RORB: variants seen among roughly 807,000 people sequenced by gnomAD.
RORB encodes RAR related orphan receptor B, also known as nuclear receptor ROR-beta.
Under a neutral mutation model 59.1 loss-of-function variants are expected in RORB, and 6 were observed. The ratio of observed to expected loss-of-function variants is 0.10; its 90% CI spans 0.06 to 0.20. The LOEUF is 0.20. Among genes scored for constraint, RORB ranks in the 10% least tolerant of loss-of-function variants. The probability of loss-of-function intolerance (pLI) is 1.00; values close to 1 mark genes in which losing one functional copy is unlikely to be tolerated. For synonymous variants in RORB, 215 were observed against 204.5 expected, an observed-to-expected ratio of 1.05 and a Z score of -0.44; for missense variants, 320 against 560.5, an observed-to-expected ratio of 0.57 and a Z score of 4.33.
intron 1 of RORB, among the ~76,000 whole-genome samples, chr9:74,554,809 C>T (rs1277102095): frequency 6.6e-6 from 1 of 152,170 alleles, no homozygotes; most frequent in Non-Finnish European, 1.5e-5. Flanking sequence ...AGTAAGATGG[C>T]ATTAAGAATT....
At chr9:74,647,083 C>A (rs1823912428) in intron 4 of RORB, among the ~76,000 whole-genome samples, 1 of 152,172 alleles carries the variant, frequency 6.6e-6, no homozygotes, top group Admixed American at 6.5e-5. Context: ...GAAAGAATGG[C>A]AACAAGTAAG....
intron 2 of RORB, 86 bp from the exon 3 acceptor site, chr9:74,634,545 C>A: frequency 2.4e-6 from 3 of 1,259,118 alleles, no homozygotes; most frequent in Middle Eastern, 2.1e-4. Flanking sequence ...ATGTTCACTG[C>A]AGAAAATGTA....
chr9:74,597,221 C>G (rs1463348280), intron 1 of RORB, among the ~76,000 whole-genome samples: 1 of 152,198 alleles, frequency 6.6e-6, no homozygotes, highest in Admixed American at 6.5e-5. Context: ...TCATTGGTAA[C>G]TGGTACATCT....
intron 1 of RORB, among the ~76,000 whole-genome samples, chr9:74,516,308 A>C (rs538905201): frequency 6.6e-6 from 1 of 152,026 alleles, no homozygotes; most frequent in African/African-American, 2.4e-5. Context: ...ACACACAAAA[A>C]AGTGAAGTAT....
At chr9:74,517,425 G>T (rs1255549618) in intron 1 of RORB, among the ~76,000 whole-genome samples, 2 of 151,986 alleles carry the variant, frequency 1.3e-5, no homozygotes, top group East Asian at 1.9e-4. Context: ...TGGCAGAAAG[G>T]TACGGCGTGG....
chr9:74,630,453 G>A, intron 2 of RORB, 86 bp downstream of exon 2: 2 of 1,013,388 alleles, frequency 2.0e-6, no homozygotes, highest in East Asian at 2.7e-5. Context: ...TTTTAAGGAA[G>A]GCTGGCTAAA....
At chr9:74,584,091 T>A (rs1218870636) in intron 1 of RORB, among the ~76,000 whole-genome samples, 1 of 152,246 alleles carries the variant, frequency 6.6e-6, no homozygotes, top group Non-Finnish European at 1.5e-5. Context: ...CTTGAGACTT[T>A]GGCTGGAGAA....
intron 1 of RORB, among the ~76,000 whole-genome samples, chr9:74,582,489 A>G (rs1256402401): frequency 1.3e-5 from 2 of 152,198 alleles, no homozygotes; most frequent in East Asian, 3.8e-4. Flanking sequence ...AGAGAACCTT[A>G]CAGAGGTTAC....
chr9:74,517,625 A>C (rs980189069), intron 1 of RORB, among the ~76,000 whole-genome samples: 3 of 152,052 alleles, frequency 2.0e-5, no homozygotes, highest in Admixed American at 1.3e-4. Context: ...TTATTTTTTT[A>C]AAAAGGGTAG....
chr9:74,657,419 C>A (rs11144042), intron 4 of RORB, among the ~76,000 whole-genome samples: 3 of 152,190 alleles, frequency 2.0e-5, no homozygotes, highest in South Asian at 2.1e-4. Context: ...GAGACTGGTC[C>A]TAAAGAAGTA....
chr9:74,645,367 G>A (rs1823877966), intron 4 of RORB, among the ~76,000 whole-genome samples: 1 of 152,144 alleles, frequency 6.6e-6, no homozygotes. Context: ...TGGGCAGGAA[G>A]GCATCTGTGG....
intron 1 of RORB, among the ~76,000 whole-genome samples, chr9:74,506,114 T>C (rs1158045989): frequency 6.6e-6 from 1 of 152,040 alleles, no homozygotes; most frequent in Non-Finnish European, 1.5e-5. Context: ...TTCATTTTCT[T>C]TAATACTATT....
intron 1 of RORB, among the ~76,000 whole-genome samples, chr9:74,522,440 T>A (rs1369228501): frequency 2.0e-5 from 3 of 151,744 alleles, no homozygotes; most frequent in Non-Finnish European, 4.4e-5. Context: ...AATTATTCTA[T>A]ACAGTGATTT....
chr9:74,586,067 T>C (rs954138249), intron 1 of RORB, among the ~76,000 whole-genome samples: 1 of 152,110 alleles, frequency 6.6e-6, no homozygotes, highest in Non-Finnish European at 1.5e-5. Context: ...GTGCTGGGAT[T>C]ACAGGCATGA....
chr9:74,583,188 T>C (rs1822750479), intron 1 of RORB, among the ~76,000 whole-genome samples: 1 of 152,132 alleles, frequency 6.6e-6, no homozygotes, highest in Non-Finnish European at 1.5e-5. Flanking sequence ...AGGGCTCATG[T>C]AAGTGTTTCT....
chr9:74,501,942 T>C (rs1162393165), intron 1 of RORB, among the ~76,000 whole-genome samples: 2 of 152,232 alleles, frequency 1.3e-5, no homozygotes, highest in Admixed American at 1.3e-4. Context: ...AACTTACTAA[T>C]CTTTGGATTT....
intron 6 of RORB, among the ~76,000 whole-genome samples, chr9:74,662,899 T>G (rs1403338549): frequency 1.3e-5 from 2 of 151,916 alleles, no homozygotes; most frequent in Non-Finnish European, 2.9e-5. Flanking sequence ...GTGGCTGAAT[T>G]GCTGAGCCGG....
At chr9:74,578,563 A>C (rs2118250159) in intron 1 of RORB, among the ~76,000 whole-genome samples, 1 of 152,282 alleles carries the variant, frequency 6.6e-6, no homozygotes, top group Admixed American at 6.5e-5. Flanking sequence ...AAAATTAATA[A>C]AATTTAAAAA....
intron 1 of RORB, among the ~76,000 whole-genome samples, chr9:74,591,212 A>G (rs2118288504): frequency 6.6e-6 from 1 of 152,330 alleles, no homozygotes; most frequent in African/African-American, 2.4e-5. Flanking sequence ...GAGTTTTTGT[A>G]AAAAGGACCT....
Sources: gnomAD v4.1 joint callset for allele counts (sites outside exome capture counted in the v4.1 genomes callset) on GRCh38, gnomAD v4.1.1 for gene constraint, MANE v1.5 for transcripts, NCBI Gene and HGNC (gene_info 2026-07-23, HGNC 2026-07-21) for gene names.